Variants in FAM168A observed in about 807,000 individuals in gnomAD.
The protein encoded by FAM168A is family with sequence similarity 168 member A.
Under a neutral mutation model 28.5 loss-of-function variants are expected in FAM168A, and 3 were observed. That is an observed-to-expected ratio of 0.11 (90% confidence interval 0.05 to 0.27). FAM168A has a LOEUF of 0.27. FAM168A is among the 10% of genes least tolerant of loss of function. FAM168A has a pLI of 1.00. For missense variants in FAM168A, 222 were observed against 311.5 expected (o/e 0.71, Z 2.16); for synonymous variants, 122 against 124.2 (o/e 0.98, Z 0.12).
chr11:73,556,252 G>C (rs1379975305), intron 1 of FAM168A, among the ~76,000 whole-genome samples: 3 of 151,942 alleles, frequency 2.0e-5, no homozygotes, highest in Non-Finnish European at 4.4e-5. Context: ...GGGAGGCTGA[G>C]GCAAGAGGAT....
At chr11:73,538,512 T>C (rs1273145650) in intron 1 of FAM168A, among the ~76,000 whole-genome samples, 2 of 152,210 alleles carry the variant, frequency 1.3e-5, no homozygotes, top group Non-Finnish European at 2.9e-5. Flanking sequence ...GGTAAATTAC[T>C]GCCAGTCAGG....
intron 2 of FAM168A, among the ~76,000 whole-genome samples, chr11:73,432,224 T>C (rs1867007776): frequency 6.6e-6 from 1 of 152,206 alleles, no homozygotes; most frequent in Non-Finnish European, 1.5e-5. Flanking sequence ...TGAATAATGG[T>C]ACAATAAACA....
In FAM168A at chr11:73,511,559, A is replaced by ATTTTTTTTTTTTTTTTTTTTTTTTTT. The variant is rs1396253362; in HGVS notation, c.-18-43068_-18-43067insAAAAAAAAAAAAAAAAAAAAAAAAAA. ...CTGAATTTTTCAAAATATGTAATGA[A>ATTTTTTTTTTTTTTTTTTTTTTTTTT]TCTTAAGCTGTTTTAGCCAAAAACA... On this transcript the variant is annotated intron_variant, in intron 1 of 7. Transcript: ENST00000356467. Among the ~76,000 whole-genome samples the ATTTTTTTTTTTTTTTTTTTTTTTTTT allele has an allele frequency of 1.1e-4, 16 of 152,182 alleles. 1 individual carries two copies. Among genetic ancestry groups the ATTTTTTTTTTTTTTTTTTTTTTTTTT allele is most frequent in the East Asian group, 3.9e-4 (2 of 5,184 alleles).
intron 1 of FAM168A, among the ~76,000 whole-genome samples, chr11:73,571,943 G>A (rs991496487): frequency 6.1e-5 from 7 of 115,358 alleles, no homozygotes; most frequent in African/African-American, 2.3e-4. Flanking sequence ...GCCCAGCCAC[G>A]ACCCCGTCTG....
intron 2 of FAM168A, among the ~76,000 whole-genome samples, chr11:73,437,844 T>C (rs1316258684): frequency 6.6e-6 from 1 of 152,132 alleles, no homozygotes; most frequent in Non-Finnish European, 1.5e-5. Flanking sequence ...AAGATATCCA[T>C]GATTCCTCCT....
chr11:73,560,720 T>G (rs1042850723), intron 1 of FAM168A, among the ~76,000 whole-genome samples: 1 of 152,168 alleles, frequency 6.6e-6, no homozygotes, highest in Non-Finnish European at 1.5e-5. Context: ...CTGGTAGGAA[T>G]GTAAAATGGT....
chr11:73,559,956 G>C (rs1014955194), intron 1 of FAM168A, among the ~76,000 whole-genome samples: 1 of 152,106 alleles, frequency 6.6e-6, no homozygotes, highest in African/African-American at 2.4e-5. Flanking sequence ...CCACAAATGA[G>C]AACAATGTAA....
At chr11:73,557,229 T>A (rs1443416740) in intron 1 of FAM168A, among the ~76,000 whole-genome samples, 1 of 152,078 alleles carries the variant, frequency 6.6e-6, no homozygotes, top group Non-Finnish European at 1.5e-5. Flanking sequence ...GCTAAGTGAA[T>A]TAAACCAGTA....
intron 1 of FAM168A, among the ~76,000 whole-genome samples, chr11:73,541,466 G>A (rs532481943): frequency 1.1e-4 from 17 of 151,004 alleles, no homozygotes; most frequent in Non-Finnish European, 2.2e-4. Context: ...TCCTCCTCCC[G>A]GGTTCACACC....
chr11:73,501,723 C>T (rs910356487), intron 1 of FAM168A, among the ~76,000 whole-genome samples: 7 of 152,104 alleles, frequency 4.6e-5, no homozygotes, highest in African/African-American at 1.7e-4. Context: ...ACTAAATGCC[C>T]ACATCAGAAA....
rs201125771 is a variant in FAM168A at position 73,507,680 on chromosome 11, TG to T, written c.-18-39189del. ...TACCATATACATGCCATGTTATTAT[TG>T]GTAGTTTACTCATTTGTAAATGAAC... On this transcript the variant is annotated intron_variant, in intron 1 of 7. Coordinates refer to ENST00000356467, the MANE Select transcript of FAM168A (RefSeq NM_015159.3). Among the ~76,000 whole-genome samples the T allele has an allele frequency of 5.9e-3, 892 of 152,350 alleles. 8 individuals carry two copies. The highest frequency in any genetic ancestry group is 0.027 in the Middle Eastern group (8 of 294).
chr11:73,421,373 A>G (rs1457378863), intron 3 of FAM168A, among the ~76,000 whole-genome samples: 1 of 152,194 alleles, frequency 6.6e-6, no homozygotes, highest in African/African-American at 2.4e-5. Flanking sequence ...AATTATGGCT[A>G]TTGTAGGCTG....
intron 1 of FAM168A, among the ~76,000 whole-genome samples, chr11:73,564,524 G>C (rs1156994185): frequency 1.3e-5 from 2 of 151,694 alleles, no homozygotes; most frequent in Non-Finnish European, 2.9e-5. Context: ...AGATCACAAG[G>C]TCAAGAGATC....
At chr11:73,564,184 C>T (rs1943991228) in intron 1 of FAM168A, among the ~76,000 whole-genome samples, 1 of 152,146 alleles carries the variant, frequency 6.6e-6, no homozygotes, top group African/African-American at 2.4e-5. Context: ...TCACTATGGC[C>T]GGAAGAATGT....
At chr11:73,486,820 A>C (rs1868059347) in intron 1 of FAM168A, among the ~76,000 whole-genome samples, 1 of 152,270 alleles carries the variant, frequency 6.6e-6, no homozygotes, top group Non-Finnish European at 1.5e-5. Context: ...ATGTTTGAAT[A>C]AAGATTAATG....
chr11:73,445,025 C>G (rs967010969), intron 2 of FAM168A, among the ~76,000 whole-genome samples: 8 of 151,908 alleles, frequency 5.3e-5, no homozygotes, highest in African/African-American at 1.9e-4. Context: ...TTTGGGAGGC[C>G]GAGGTGGGTG....
intron 6 of FAM168A, 119 bp from the exon 7 acceptor site, chr11:73,407,762 C>T (rs753554631): frequency 6.1e-5 from 48 of 789,800 alleles, no homozygotes; most frequent in Middle Eastern, 2.2e-4. Flanking sequence ...CCATCTCCCT[C>T]GCCTTCCTGA....
At chr11:73,477,941 ATAGATAG>A (rs1322227784) in intron 1 of FAM168A, among the ~76,000 whole-genome samples, 5 of 150,354 alleles carry the variant, frequency 3.3e-5, no homozygotes, top group Non-Finnish European at 7.4e-5. Context: ...AGATAGATAG[ATAGATAG>A]ATAGATAGAT....
chr11:73,411,360 A>G, intron 5 of FAM168A, 34 bp downstream of exon 5: 2 of 1,551,178 alleles, frequency 1.3e-6, no homozygotes, highest in Non-Finnish European at 1.7e-6. Flanking sequence ...AGGCTCCTCT[A>G]CCTGCAGAAG....
Sources: allele counts gnomAD v4.1 joint callset (sites outside exome capture counted in the v4.1 genomes callset), GRCh38; gene constraint gnomAD v4.1.1; transcripts MANE v1.5; gene names NCBI Gene and HGNC (gene_info 2026-07-23, HGNC 2026-07-21).